IQCB1: variants seen among roughly 807,000 people sequenced by gnomAD.
IQCB1 encodes the protein IQ calmodulin-binding motif-containing protein 1.
In IQCB1, 56 loss-of-function variants were observed where a neutral mutation model predicts 84.4. The observed-to-expected ratio is 0.66, with a 90% CI of 0.54 to 0.83. IQCB1 has a LOEUF of 0.83. IQCB1 is among the 40% of genes least tolerant of loss of function. The probability of loss-of-function intolerance (pLI) is 0.00; values close to 1 mark genes in which losing one functional copy is unlikely to be tolerated. For synonymous variants in IQCB1, 210 were observed against 234.8 expected, an observed-to-expected ratio of 0.89 and a Z score of 0.96; for missense variants, 629 against 682.1, an observed-to-expected ratio of 0.92 and a Z score of 0.87.
intron 5 of IQCB1, 116 bp downstream of exon 5, chr3:121,825,935 T>C: frequency 9.9e-7 from 1 of 1,015,092 alleles, no homozygotes. Flanking sequence ...TTTGAAAATG[T>C]TTAAATTCAC....
intron 6 of IQCB1, among the ~76,000 whole-genome samples, chr3:121,807,807 T>C (rs898166680): frequency 1.3e-5 from 2 of 151,968 alleles, no homozygotes; most frequent in African/African-American, 4.8e-5. Flanking sequence ...GAAACGGAAA[T>C]GGCACAGATG....
intron 14 of IQCB1, among the ~76,000 whole-genome samples, chr3:121,770,975 T>C (rs1947955568): frequency 6.6e-6 from 1 of 152,090 alleles, no homozygotes; most frequent in South Asian, 2.1e-4. Flanking sequence ...TTCAGCCCAT[T>C]TCTGTTTTTT....
At position 121,799,376 on chromosome 3, in the gene IQCB1, T is replaced by C. The variant is rs1250919247; in HGVS notation, c.588-2A>G. On this transcript the variant is annotated splice_acceptor_variant, in intron 7 of 14. Coordinates refer to ENST00000310864, the MANE Select transcript of IQCB1 (RefSeq NM_001023570.4). LOFTEE classifies it high-confidence loss of function. ...CTTCCTATTCTGAGTAAATCACCAC[T>C]AATAGAACAAAATAAAAAAAAAAGT... 6 of 1,530,296 alleles carry C rather than the reference T, an allele frequency of 3.9e-6. No individual in the cohort carries two copies. The highest frequency in any genetic ancestry group is 5.4e-6 in the Non-Finnish European group (6 of 1,109,168). The allele number at this position is 1,530,296 out of a possible 1,614,324, so 94.8% of individuals were successfully genotyped here.
At chr3:121,832,783 A>G (rs554174555) in intron 2 of IQCB1, among the ~76,000 whole-genome samples, 72 of 152,290 alleles carry the variant, frequency 4.7e-4, no homozygotes, top group Non-Finnish European at 8.4e-4. Context: ...CATATCTTCT[A>G]AAGTAAGGTA....
intron 4 of IQCB1, among the ~76,000 whole-genome samples, chr3:121,826,886 G>A (rs1196322217): frequency 6.6e-6 from 1 of 152,014 alleles, no homozygotes; most frequent in Non-Finnish European, 1.5e-5. Context: ...ACCCAAGAAT[G>A]GTCTCTATGT....
chr3:121,787,322 G>A (rs1388672110), intron 12 of IQCB1, among the ~76,000 whole-genome samples: 1 of 152,124 alleles, frequency 6.6e-6, no homozygotes. Flanking sequence ...ATCCTAATAT[G>A]AAAGTTAACC....
intron 5 of IQCB1, among the ~76,000 whole-genome samples, chr3:121,816,239 C>T (rs1288843116): frequency 2.0e-5 from 3 of 152,072 alleles, no homozygotes; most frequent in Non-Finnish European, 4.4e-5. Flanking sequence ...GAAACTGGAC[C>T]CCTTCCTTAC....
chr3:121,786,516 A>G (rs1044087994), intron 12 of IQCB1, among the ~76,000 whole-genome samples: 16 of 142,326 alleles, frequency 1.1e-4, no homozygotes, highest in African/African-American at 3.1e-4. Context: ...AAAAAAAGTA[A>G]TCCTCTTATT....
chr3:121,822,562 C>A (rs761902083), intron 5 of IQCB1, among the ~76,000 whole-genome samples: 3 of 152,162 alleles, frequency 2.0e-5, no homozygotes, highest in Non-Finnish European at 4.4e-5. Flanking sequence ...GAATCTACAG[C>A]TGAAAGGCTG....
At chr3:121,797,525 G>A (rs1209435878) in intron 8 of IQCB1, among the ~76,000 whole-genome samples, 5 of 149,622 alleles carry the variant, frequency 3.3e-5, no homozygotes, top group Non-Finnish European at 4.4e-5. Flanking sequence ...GAATCACTGT[G>A]GTAAATCAAA....
chr3:121,780,927 A>G (rs1948457073), intron 13 of IQCB1, among the ~76,000 whole-genome samples: 1 of 152,176 alleles, frequency 6.6e-6, no homozygotes, highest in Non-Finnish European at 1.5e-5. Context: ...CACCACCACC[A>G]CAATCACAAC....
rs535869676 is a variant in IQCB1, at chr3:121,773,102, C to T, written c.1411-389G>A. Among the ~76,000 whole-genome samples, 19 of 152,150 alleles carry T rather than the reference C, an allele frequency of 1.2e-4. No homozygotes were observed. The East Asian group carries it at 2.9e-3, about 23-fold the overall frequency. On this transcript the variant is annotated intron_variant, in intron 13 of 14. Coordinates refer to ENST00000310864, the MANE Select transcript of IQCB1 (RefSeq NM_001023570.4). ...CTCTGGGAGGCCAAGGTGGGTGGAT[C>T]ACCTGAGGTCAGGAGTTCAAGACCA...
At position 121,778,831 on chromosome 3, in the gene IQCB1, G is replaced by A. The variant is rs373758822; in HGVS notation, c.1410+2912C>T. On this transcript the variant is annotated intron_variant, in intron 13 of 14. Coordinates refer to ENST00000310864, the MANE Select transcript of IQCB1 (RefSeq NM_001023570.4). ...TGAGGCAGGAGAATCACTTGAACCC[G>A]GGAGGCGGCAGTTGCAGAGATTGCG... Among the ~76,000 whole-genome samples the A allele has an allele frequency of 3.4e-4, 51 of 151,568 alleles. No homozygotes were observed. The East Asian group carries it at 9.9e-3, about 29-fold the overall frequency.
chr3:121,800,753 T>G (rs1949375705), intron 7 of IQCB1, among the ~76,000 whole-genome samples: 1 of 151,970 alleles, frequency 6.6e-6, no homozygotes, highest in African/African-American at 2.4e-5. Flanking sequence ...TTCAACCTCC[T>G]AATCTTAAAG....
chr3:121,796,701 T>C (rs1226042583), intron 9 of IQCB1, among the ~76,000 whole-genome samples: 1 of 152,104 alleles, frequency 6.6e-6, no homozygotes, highest in Non-Finnish European at 1.5e-5. Context: ...AAATAGCTTA[T>C]AGATAAAAGA....
At chr3:121,771,549 G>A (rs1947994205) in intron 14 of IQCB1, among the ~76,000 whole-genome samples, 1 of 151,910 alleles carries the variant, frequency 6.6e-6, no homozygotes, top group Non-Finnish European at 1.5e-5. Context: ...TGCTGGTCTC[G>A]AACTCCTGAC....
intron 5 of IQCB1, among the ~76,000 whole-genome samples, chr3:121,824,401 C>A (rs560508265): frequency 9.9e-5 from 15 of 152,218 alleles, no homozygotes; most frequent in African/African-American, 3.4e-4. Flanking sequence ...TTGTTTATTT[C>A]TGGAATTCTC....
chr3:121,790,249 C>A, intron 10 of IQCB1, 34 bp from the exon 11 acceptor site: 8 of 1,599,178 alleles, frequency 5.0e-6, no homozygotes, highest in Non-Finnish European at 6.8e-6. Context: ...ACATAATTTT[C>A]ATAAATCATA....
rs781508757 is a variant in IQCB1, at chr3:121,807,438, G to A, written c.493C>T (p.Gln165Ter). The A allele has an allele frequency of 1.3e-5, 19 of 1,442,252 alleles. No individual in the cohort carries two copies. The highest frequency in any genetic ancestry group is 1.9e-5 in the Non-Finnish European group (19 of 1,024,902). 89.3% of individuals were successfully genotyped at this position (1,442,252 alleles called of 1,614,324 possible). ...GHVELIQNVL[Q>*]SDHFLHLLQA... is the part of the protein sequence containing the mutation. ...AGTAAATGTAAGAAATGATCACTTT[G>A]TAGTACTAAAGGAAAAGAAAAAAAA... Residue 165 changes from glutamine to a stop codon, truncating the protein, a stop_gained, in exon 7 of 15, where the codon CAA becomes TAA. Transcript: ENST00000310864. LOFTEE classifies it high-confidence loss of function.
Sources: allele counts gnomAD v4.1 joint callset (sites outside exome capture counted in the v4.1 genomes callset), GRCh38; gene constraint gnomAD v4.1.1; transcripts MANE v1.5; gene names NCBI Gene and HGNC (gene_info 2026-07-23, HGNC 2026-07-21).